UNC13C: variants seen among roughly 807,000 people sequenced by gnomAD.
UNC13C encodes unc-13 homolog C, also known as protein unc-13 homolog C.
UNC13C carries 174 observed loss-of-function variants against 245.4 expected under a neutral mutation model. The ratio of observed to expected loss-of-function variants is 0.71; its 90% confidence interval spans 0.63 to 0.80. The LOEUF (loss-of-function observed/expected upper bound fraction) is 0.80. UNC13C is among the 30% of genes least tolerant of loss of function. UNC13C has a pLI of 0.00. For synonymous variants in UNC13C, 992 were observed against 895.1 expected, an observed-to-expected ratio of 1.11 and a Z score of -1.93; for missense variants, 2,829 against 2,602.9, an observed-to-expected ratio of 1.09 and a Z score of -1.89.
chr15:54,297,674 G>A, intron 11 of UNC13C, 137 bp from the exon 12 acceptor site: 2 of 678,784 alleles, frequency 2.9e-6, no homozygotes, highest in Non-Finnish European at 5.3e-6. Context: ...TACTTAATAA[G>A]CAGCTCTGAC....
intron 30 of UNC13C, among the ~76,000 whole-genome samples, chr15:54,618,265 CT>C (rs1200261147): frequency 6.6e-6 from 1 of 152,108 alleles, no homozygotes; most frequent in Admixed American, 6.6e-5. Context: ...TTCCTGCCCT[CT>C]GTCAGTGTAT....
chr15:53,906,887 G>A, the UNC13C span, among the ~76,000 whole-genome samples: 1 of 152,286 alleles, frequency 6.6e-6, no homozygotes, highest in East Asian at 1.9e-4. Flanking sequence ...AAGAGTGAAG[G>A]AAGAACTTCC....
At chr15:54,076,423 A>G (rs913531946) in intron 2 of UNC13C, among the ~76,000 whole-genome samples, 2 of 151,830 alleles carry the variant, frequency 1.3e-5, no homozygotes, top group East Asian at 1.9e-4. Flanking sequence ...CCATGTCCCT[A>G]CAAAGGACAT....
At chr15:54,120,074 T>C (rs2030562344) in intron 2 of UNC13C, among the ~76,000 whole-genome samples, 1 of 152,152 alleles carries the variant, frequency 6.6e-6, no homozygotes, top group South Asian at 2.1e-4. Context: ...GAAGACCTAG[T>C]TAAGATAATT....
At chr15:54,234,788 A>T (rs984006095) in intron 4 of UNC13C, among the ~76,000 whole-genome samples, 2 of 152,188 alleles carry the variant, frequency 1.3e-5, no homozygotes, top group Non-Finnish European at 2.9e-5. Flanking sequence ...CATCCAGGCC[A>T]TGTATATCTT....
At chr15:54,486,289 A>ACAC (rs1567319118) in intron 19 of UNC13C, among the ~76,000 whole-genome samples, 4 of 149,578 alleles carry the variant, frequency 2.7e-5, no homozygotes, top group Non-Finnish European at 5.9e-5. Flanking sequence ...ACACACACAC[A>ACAC]ATATCAGTGT....
chr15:54,293,905 A>AACTCCACAGATCGAATCAAAGTCAGAGT lies in UNC13C; in HGVS notation c.3831_3858dup (p.Trp1287LeufsTer12), dbSNP rs775047768. 3 of 1,559,786 alleles carry AACTCCACAGATCGAATCAAAGTCAGAGT rather than the reference A, an allele frequency of 1.9e-6. No homozygotes were observed. Among genetic ancestry groups the AACTCCACAGATCGAATCAAAGTCAGAGT allele is most frequent in the Non-Finnish European group, 2.6e-6 (3 of 1,158,496 alleles). ...CACATTTATTTTCAGTGAGTGTCATAACTCCACAGATCGAATCAAAGTCAG... is the reference window on the plus strand; with the variant it reads ...CACATTTATTTTCAGTGAGTGTCATAACTCCACAGATCGAATCAAAGTCAGAGTACTCCACAGATCGAATCAAAGTCAG... On this transcript the variant is annotated frameshift_variant, in exon 11 of 33. Coordinates refer to ENST00000260323, the MANE Select transcript of UNC13C (RefSeq NM_001080534.3). LOFTEE classifies it high-confidence loss of function.
At chr15:54,449,085 G>T (rs1891004303) in intron 19 of UNC13C, among the ~76,000 whole-genome samples, 1 of 152,148 alleles carries the variant, frequency 6.6e-6, no homozygotes. Flanking sequence ...TTTTCTTTAA[G>T]AATGTTGAAT....
intron 30 of UNC13C, among the ~76,000 whole-genome samples, chr15:54,609,985 A>G (rs545730018): frequency 4.4e-4 from 67 of 152,112 alleles, no homozygotes; most frequent in Non-Finnish European, 8.4e-4. Flanking sequence ...AGCATGGGGG[A>G]AGTGCCCCAT....
At chr15:54,272,103 G>T (rs62011988) in intron 10 of UNC13C, among the ~76,000 whole-genome samples, 16 of 152,174 alleles carry the variant, frequency 1.1e-4, no homozygotes, top group Non-Finnish European at 2.1e-4. Flanking sequence ...TCTCAGTTTC[G>T]CCATGGGAAA....
intron 17 of UNC13C, among the ~76,000 whole-genome samples, chr15:54,350,578 T>A (rs2038960466): frequency 6.6e-6 from 1 of 152,202 alleles, no homozygotes; most frequent in South Asian, 2.1e-4. Context: ...ATATGCTATA[T>A]TTGTGGTATC....
chr15:54,359,689 G>T (rs1274643060), intron 17 of UNC13C, among the ~76,000 whole-genome samples: 1 of 151,794 alleles, frequency 6.6e-6, no homozygotes, highest in Non-Finnish European at 1.5e-5. Context: ...TGTGGCATCT[G>T]TTATGATGTC....
At chr15:53,874,622 G>A in the UNC13C span, among the ~76,000 whole-genome samples, 1 of 152,112 alleles carries the variant, frequency 6.6e-6, no homozygotes, top group African/African-American at 2.4e-5. Context: ...TTCTTGAAAT[G>A]CCTCCTTTAC....
chr15:54,179,135 C>T (rs553426602), intron 4 of UNC13C, among the ~76,000 whole-genome samples: 143 of 152,206 alleles, frequency 9.4e-4, no homozygotes, highest in African/African-American at 3.4e-3. Context: ...ATTAACACCC[C>T]TCACATGTAC....
At chr15:54,076,085 G>A (rs914130785) in intron 2 of UNC13C, among the ~76,000 whole-genome samples, 1 of 74,208 alleles carries the variant, frequency 1.3e-5, no homozygotes, top group Non-Finnish European at 2.8e-5. Flanking sequence ...TTTTCACTTT[G>A]TCTCCCAGTA....
rs1901301498 is a variant in UNC13C, at chr15:54,628,095, T to C, written c.*982T>C. On this transcript the variant is annotated 3_prime_UTR_variant, in exon 33 of 33. Transcript: ENST00000260323. ...TTAGTGAAAAAATAGTAAAATTAAG[T>C]CGGAAGAAATTGCTTAAAATTTTGT... 1.3e-5 allele frequency: 2 copies of C among 152,072 alleles called. No homozygotes were observed. Among genetic ancestry groups the C allele is most frequent in the African/African-American group, 4.8e-5 (2 of 41,416 alleles). 9.4% of individuals were successfully genotyped at this position (152,072 alleles called of 1,614,324 possible). A position where few individuals can be genotyped will look rare whatever the true frequency, so the allele number is the denominator to read the frequency against.
chr15:54,511,897 C>A, intron 24 of UNC13C, 67 bp downstream of exon 24: 2 of 1,144,994 alleles, frequency 1.7e-6, no homozygotes, highest in Non-Finnish European at 2.5e-6. Flanking sequence ...ATATCTCTTG[C>A]TATGAAAGTG....
chr15:53,848,487 C>T, the UNC13C span, among the ~76,000 whole-genome samples: 5 of 152,032 alleles, frequency 3.3e-5, no homozygotes, highest in African/African-American at 1.2e-4. Context: ...AGAGAACATA[C>T]TTTGAATTAT....
chr15:54,506,531 A>T (rs1033431240), intron 22 of UNC13C, among the ~76,000 whole-genome samples: 1 of 152,052 alleles, frequency 6.6e-6, no homozygotes, highest in Non-Finnish European at 1.5e-5. Flanking sequence ...ACTTCAACGA[A>T]GTATTGATTT....
Sources: gnomAD v4.1 joint callset for allele counts (sites outside exome capture counted in the v4.1 genomes callset) on GRCh38, gnomAD v4.1.1 for gene constraint, MANE v1.5 for transcripts, NCBI Gene and HGNC (gene_info 2026-07-23, HGNC 2026-07-21) for gene names.